PAK2: variants seen among roughly 807,000 people sequenced by gnomAD.
PAK2 encodes the protein serine/threonine-protein kinase PAK 2.
Under a neutral mutation model 65.9 loss-of-function variants are expected in PAK2, and 21 were observed. The observed-to-expected ratio is 0.32, with a 90% CI of 0.23 to 0.46. The LOEUF is 0.46. Ranked by LOEUF, PAK2 falls within the 20% of genes least tolerant of loss-of-function variation. PAK2 has a pLI of 1.00. For synonymous variants in PAK2, 204 were observed against 219.7 expected (o/e 0.93, Z 0.63); for missense variants, 324 against 642.6 (o/e 0.50, Z 5.36).
Position 196,763,213 on chromosome 3 carries a change from GCC to G in PAK2, c.-21-19411_-21-19410del, listed in dbSNP as rs1714043496. Among the ~76,000 whole-genome samples the G allele has an allele frequency of 3.9e-5, 6 of 152,108 alleles. 1 individual carries two copies. The South Asian group carries it at 1.2e-3, about 32-fold the overall frequency. Reference sequence around the variant, plus strand: ...TGTTGGCCATAGTTGTTGGACATCTGCCCTTTAGGGTGCCAAGGAGAATTATT... The same window carrying G: ...TGTTGGCCATAGTTGTTGGACATCTGCTTTAGGGTGCCAAGGAGAATTATT... On this transcript the variant is annotated intron_variant, in intron 1 of 14. Transcript: ENST00000327134.
intron 2 of PAK2, among the ~76,000 whole-genome samples, chr3:196,789,054 A>C (rs998715540): frequency 1.3e-5 from 2 of 152,218 alleles, no homozygotes; most frequent in African/African-American, 2.4e-5. Context: ...TCTCTGTTTT[A>C]GTTAGGAGAG....
intron 2 of PAK2, among the ~76,000 whole-genome samples, chr3:196,787,878 T>A (rs535000073): frequency 6.6e-6 from 1 of 152,222 alleles, no homozygotes; most frequent in Non-Finnish European, 1.5e-5. Flanking sequence ...GCTTTCGGCA[T>A]TAGGAATGAG....
intron 1 of PAK2, among the ~76,000 whole-genome samples, chr3:196,759,296 T>C (rs1165455522): frequency 6.6e-6 from 1 of 152,186 alleles, no homozygotes; most frequent in African/African-American, 2.4e-5. Flanking sequence ...GGCATATTCT[T>C]CAGAGTTTCT....
rs80284419 is a variant in PAK2 at position 196,757,354 on chromosome 3, G to C, written c.-22+17197G>C. Reference sequence around the variant, plus strand: ...AAACTTTAAAATGGAGGGCAATACTGGTTCTTTGAAGAGAAATCTAGAACT... The same window carrying C: ...AAACTTTAAAATGGAGGGCAATACTCGTTCTTTGAAGAGAAATCTAGAACT... On this transcript the variant is annotated intron_variant, in intron 1 of 14. Coordinates refer to ENST00000327134, the MANE Select transcript of PAK2 (RefSeq NM_002577.4). Among the ~76,000 whole-genome samples, 25 of 152,226 alleles carry C rather than the reference G, an allele frequency of 1.6e-4. 1 individual carries two copies. The East Asian group carries it at 4.8e-3, about 29-fold the overall frequency.
chr3:196,743,736 G>T (rs1269371522), intron 1 of PAK2, among the ~76,000 whole-genome samples: 1 of 149,348 alleles, frequency 6.7e-6, no homozygotes, highest in Non-Finnish European at 1.5e-5. Context: ...AAAAATATTA[G>T]CTGGGCGTGG....
At chr3:196,810,249 G>A (rs1715732165) in intron 7 of PAK2, among the ~76,000 whole-genome samples, 1 of 151,834 alleles carries the variant, frequency 6.6e-6, no homozygotes, top group African/African-American at 2.4e-5. Context: ...GAACATCTGA[G>A]AACCTAATTA....
intron 2 of PAK2, among the ~76,000 whole-genome samples, chr3:196,784,124 C>A (rs1577719381): frequency 6.6e-6 from 1 of 152,002 alleles, no homozygotes; most frequent in Non-Finnish European, 1.5e-5. Flanking sequence ...CTTAATAAAT[C>A]TGTGTTCAAA....
At chr3:196,753,105 CCCA>C (rs1713661910) in intron 1 of PAK2, among the ~76,000 whole-genome samples, 1 of 149,180 alleles carries the variant, frequency 6.7e-6, no homozygotes, top group Non-Finnish European at 1.5e-5. Flanking sequence ...ATTACAGGCA[CCCA>C]CCACCACGCC....
chr3:196,746,577 C>A (rs545735459), intron 1 of PAK2, among the ~76,000 whole-genome samples: 1 of 151,912 alleles, frequency 6.6e-6, no homozygotes, highest in Non-Finnish European at 1.5e-5. Context: ...TTTGGGAGGC[C>A]GAGGCAGGTG....
intron 2 of PAK2, among the ~76,000 whole-genome samples, chr3:196,795,618 G>C (rs1369525349): frequency 6.6e-6 from 1 of 152,102 alleles, no homozygotes; most frequent in Non-Finnish European, 1.5e-5. Flanking sequence ...GAAGACAAGG[G>C]ACAACATCTT....
chr3:196,808,931 T>C (rs1378154577), intron 7 of PAK2, among the ~76,000 whole-genome samples: 1 of 148,220 alleles, frequency 6.7e-6, no homozygotes, highest in South Asian at 2.3e-4. Context: ...AAATACTGTA[T>C]GGAAGGATTG....
chr3:196,742,455 CAATTATACTTTTCTAATATTT>C (rs1337405679), intron 1 of PAK2, among the ~76,000 whole-genome samples: 1 of 152,118 alleles, frequency 6.6e-6, no homozygotes, highest in Non-Finnish European at 1.5e-5. Flanking sequence ...GATAAACTTT[CAATTATACTTTTCTAATATTT>C]AAGAACTTCA....
intron 1 of PAK2, among the ~76,000 whole-genome samples, chr3:196,778,216 G>A (rs576874590): frequency 9.2e-5 from 14 of 152,224 alleles, no homozygotes; most frequent in African/African-American, 2.9e-4. Context: ...ATGTTGCAGC[G>A]TGTATCGGTA....
At chr3:196,745,215 A>G (rs964713037) in intron 1 of PAK2, among the ~76,000 whole-genome samples, 4 of 150,910 alleles carry the variant, frequency 2.7e-5, no homozygotes, top group African/African-American at 4.9e-5. Flanking sequence ...CCCGGGTTCA[A>G]GTGATTCCCC....
chr3:196,745,836 A>AATT (rs1713360230), intron 1 of PAK2, among the ~76,000 whole-genome samples: 1 of 141,980 alleles, frequency 7.0e-6, no homozygotes. Flanking sequence ...AAAAAAGAAG[A>AATT]AGTAGTAACT....
chr3:196,809,348 CT>C (rs758343803), intron 7 of PAK2, among the ~76,000 whole-genome samples: 1,152 of 90,640 alleles, frequency 0.013, 8 homozygotes, highest in African/African-American at 0.049. Flanking sequence ...TTATTATTAT[CT>C]TTTTTTTTTT....
intron 1 of PAK2, among the ~76,000 whole-genome samples, chr3:196,742,100 T>TTTC (rs1364200822): frequency 9.3e-5 from 2 of 21,444 alleles, no homozygotes; most frequent in Non-Finnish European, 2.4e-4. Context: ...TTAATATTTC[T>TTTC]TTTTTTTTTT....
chr3:196,780,974 G>A (rs1714687742), intron 1 of PAK2, among the ~76,000 whole-genome samples: 1 of 152,060 alleles, frequency 6.6e-6, no homozygotes, highest in Non-Finnish European at 1.5e-5. Context: ...GTGTTTAGTA[G>A]AGACGGGGTT....
chr3:196,765,835 T>A (rs1325640877), intron 1 of PAK2, among the ~76,000 whole-genome samples: 1 of 152,194 alleles, frequency 6.6e-6, no homozygotes, highest in Non-Finnish European at 1.5e-5. Context: ...ATTTTGAGTT[T>A]CTGTGATGTA....
Sources: gnomAD v4.1 joint callset for allele counts (sites outside exome capture counted in the v4.1 genomes callset) on GRCh38, gnomAD v4.1.1 for gene constraint, MANE v1.5 for transcripts, NCBI Gene and HGNC (gene_info 2026-07-23, HGNC 2026-07-21) for gene names.